TFCP2: variants seen among roughly 807,000 people sequenced by gnomAD.
The protein encoded by TFCP2 is alpha-globin transcription factor CP2.
A neutral mutation model predicts 73.4 loss-of-function variants in TFCP2; 33 were observed. That is an observed-to-expected ratio of 0.45 (90% CI 0.34 to 0.60). The LOEUF is 0.60. TFCP2 is among the 20% of genes least tolerant of loss of function. The pLI is 0.01. For synonymous variants in TFCP2, 193 were observed against 211.6 expected, an observed-to-expected ratio of 0.91 and a Z score of 0.76; for missense variants, 352 against 604.0, an observed-to-expected ratio of 0.58 and a Z score of 4.37.
At chr12:51,138,337 A>G (rs1382891154) in intron 1 of TFCP2, among the ~76,000 whole-genome samples, 4 of 151,878 alleles carry the variant, frequency 2.6e-5, no homozygotes, top group African/African-American at 9.7e-5. Flanking sequence ...TTGTATTTTT[A>G]GTAGAAATGG....
chr12:51,141,193 A>C (rs1941185183), intron 1 of TFCP2, among the ~76,000 whole-genome samples: 1 of 150,460 alleles, frequency 6.6e-6, no homozygotes, highest in African/African-American at 2.4e-5. Flanking sequence ...CAGCCTCCTG[A>C]GTAGCTGGGA....
At chr12:51,111,978 G>A (rs1008141429) in intron 4 of TFCP2, among the ~76,000 whole-genome samples, 5 of 152,174 alleles carry the variant, frequency 3.3e-5, no homozygotes, top group East Asian at 1.9e-4. Flanking sequence ...CCAACATGGC[G>A]AAACCCCGTC....
chr12:51,101,927 T>G lies in TFCP2; in HGVS notation c.1151+8A>C. 6.3e-7 allele frequency: 1 copy of G among 1,587,372 alleles called. No homozygotes were observed. The highest frequency in any genetic ancestry group is 8.7e-7 in the Non-Finnish European group (1 of 1,156,050). ...AACCTTATTGATATTTTAACACTAA[T>G]TACATACCGGCCTTTTAATGCATTA... On this transcript the variant is annotated splice_region_variant and intron_variant, in intron 11 of 14. Coordinates refer to ENST00000257915, the MANE Select transcript of TFCP2 (RefSeq NM_005653.5).
chr12:51,145,461 G>A (rs1297200476), intron 1 of TFCP2, among the ~76,000 whole-genome samples: 2 of 148,864 alleles, frequency 1.3e-5, no homozygotes, highest in Non-Finnish European at 3.0e-5. Flanking sequence ...AGCTACTTGG[G>A]AGGCTGAGAC....
chr12:51,171,434 A>G (rs1403192832), intron 1 of TFCP2, among the ~76,000 whole-genome samples: 1 of 152,138 alleles, frequency 6.6e-6, no homozygotes, highest in Non-Finnish European at 1.5e-5. Context: ...CTGGAGTGCA[A>G]TGACACCATC....
At chr12:51,126,387 A>G (rs1241471556) in intron 1 of TFCP2, among the ~76,000 whole-genome samples, 1 of 152,208 alleles carries the variant, frequency 6.6e-6, no homozygotes, top group African/African-American at 2.4e-5. Flanking sequence ...GAGGAACAGA[A>G]GCAATATCAG....
chr12:51,171,940 A>G (rs1941871238), intron 1 of TFCP2, among the ~76,000 whole-genome samples: 1 of 152,162 alleles, frequency 6.6e-6, no homozygotes, highest in African/African-American at 2.4e-5. Flanking sequence ...AACTTCCTAG[A>G]TACCATTCCT....
At chr12:51,147,721 G>A (rs1013397939) in intron 1 of TFCP2, among the ~76,000 whole-genome samples, 1 of 152,136 alleles carries the variant, frequency 6.6e-6, no homozygotes, top group African/African-American at 2.4e-5. Context: ...AACCCTTCTA[G>A]ACACTGACTT....
chr12:51,107,171 G>T, intron 7 of TFCP2, 65 bp downstream of exon 7: 3 of 1,311,118 alleles, frequency 2.3e-6, no homozygotes, highest in Non-Finnish European at 3.2e-6. Context: ...GACCAGTTTG[G>T]AAGTGATGAA....
At chr12:51,120,817 C>A (rs1480829313) in intron 1 of TFCP2, among the ~76,000 whole-genome samples, 1 of 150,624 alleles carries the variant, frequency 6.6e-6, no homozygotes, top group Non-Finnish European at 1.5e-5. Flanking sequence ...CATCTGTAAT[C>A]CCAGCTATGT....
intron 1 of TFCP2, among the ~76,000 whole-genome samples, chr12:51,154,733 A>G: frequency 6.6e-6 from 1 of 152,058 alleles, no homozygotes. Context: ...TTTCTCTCAA[A>G]ATATCTTATT....
intron 8 of TFCP2, among the ~76,000 whole-genome samples, chr12:51,105,485 G>A (rs778932657): frequency 4.6e-5 from 7 of 152,074 alleles, no homozygotes; most frequent in African/African-American, 9.7e-5. Flanking sequence ...TGAAGTACAC[G>A]ACAAAGAGAA....
intron 1 of TFCP2, among the ~76,000 whole-genome samples, chr12:51,138,132 CTGTG>C (rs1043414240): frequency 1.3e-5 from 2 of 152,028 alleles, no homozygotes; most frequent in Non-Finnish European, 2.9e-5. Flanking sequence ...CTATTTTTCT[CTGTG>C]TGTGTTTTGT....
chr12:51,136,960 A>C (rs1170723271), intron 1 of TFCP2, among the ~76,000 whole-genome samples: 1 of 151,954 alleles, frequency 6.6e-6, no homozygotes, highest in Non-Finnish European at 1.5e-5. Flanking sequence ...AAACAGCAAC[A>C]AAAAAAACTA....
At chr12:51,148,058 G>A (rs1255591182) in intron 1 of TFCP2, among the ~76,000 whole-genome samples, 1 of 151,894 alleles carries the variant, frequency 6.6e-6, no homozygotes, top group Non-Finnish European at 1.5e-5. Flanking sequence ...TCACTATCAG[G>A]GAAATGAAAA....
intron 1 of TFCP2, among the ~76,000 whole-genome samples, chr12:51,126,189 C>T (rs187602355): frequency 7.2e-5 from 10 of 139,372 alleles, no homozygotes; most frequent in African/African-American, 1.3e-4. Flanking sequence ...GCCGAGATTG[C>T]GCTACTGCAC....
At chr12:51,105,374 G>A (rs1301846388) in intron 8 of TFCP2, among the ~76,000 whole-genome samples, 1 of 152,156 alleles carries the variant, frequency 6.6e-6, no homozygotes, top group African/African-American at 2.4e-5. Flanking sequence ...TTGCAGGTGT[G>A]AGCCACCGCG....
intron 1 of TFCP2, among the ~76,000 whole-genome samples, chr12:51,164,238 C>A (rs1165222153): frequency 6.6e-6 from 1 of 151,850 alleles, no homozygotes; most frequent in East Asian, 1.9e-4. Flanking sequence ...ACCACAAAAA[C>A]CAAGAAGAAT....
chr12:51,105,738 C>G (rs184403257), intron 8 of TFCP2, among the ~76,000 whole-genome samples: 1,854 of 152,210 alleles, frequency 0.012, 25 homozygotes, highest in Non-Finnish European at 0.021. Flanking sequence ...TTAATTGTTA[C>G]GTTTTAAATA....
Sources: allele counts gnomAD v4.1 joint callset (sites outside exome capture counted in the v4.1 genomes callset), GRCh38; gene constraint gnomAD v4.1.1; transcripts MANE v1.5; gene names NCBI Gene and HGNC (gene_info 2026-07-23, HGNC 2026-07-21).